MYRIP: variants seen among roughly 807,000 people sequenced by gnomAD.
The protein encoded by MYRIP is myosin VIIA and Rab interacting protein.
A neutral mutation model predicts 98.0 loss-of-function variants in MYRIP; 49 were observed. That is an observed-to-expected ratio of 0.50 (90% CI 0.40 to 0.63). The LOEUF (loss-of-function observed/expected upper bound fraction) is 0.63. Ranked by LOEUF, MYRIP falls within the 30% of genes least tolerant of loss-of-function variation. MYRIP has a pLI of 0.00. For synonymous variants in MYRIP, 404 were observed against 409.5 expected (o/e 0.99, Z 0.16); for missense variants, 1,004 against 1,058.2 (o/e 0.95, Z 0.71).
intron 3 of MYRIP, among the ~76,000 whole-genome samples, chr3:40,135,961 A>C (rs1215518171): frequency 1.3e-5 from 2 of 152,268 alleles, no homozygotes; most frequent in Non-Finnish European, 2.9e-5. Context: ...AAGGCTAGGA[A>C]GAAACTGCAT....
intron 2 of MYRIP, among the ~76,000 whole-genome samples, chr3:39,916,157 A>AAGATAAT (rs1286328883): frequency 6.6e-6 from 1 of 152,062 alleles, no homozygotes; most frequent in African/African-American, 2.4e-5. Context: ...GATATGTCTA[A>AAGATAAT]AGATAATATA....
chr3:39,992,740 C>T (rs181642768), intron 2 of MYRIP, among the ~76,000 whole-genome samples: 4 of 152,318 alleles, frequency 2.6e-5, no homozygotes, highest in Non-Finnish European at 5.9e-5. Context: ...CTTTCTGCCT[C>T]CTACAAATCT....
chr3:40,018,335 C>G (rs572380505), intron 2 of MYRIP, among the ~76,000 whole-genome samples: 1 of 152,176 alleles, frequency 6.6e-6, no homozygotes, highest in Non-Finnish European at 1.5e-5. Context: ...TGATATAAAT[C>G]GAGTGCTTGT....
chr3:40,121,449 A>AT (rs553021074), intron 3 of MYRIP, among the ~76,000 whole-genome samples: 28 of 150,054 alleles, frequency 1.9e-4, no homozygotes, highest in East Asian at 1.2e-3. Context: ...GCATCTGTGG[A>AT]TTTTTTTTTT....
chr3:40,221,119 T>G (rs1475177322), intron 11 of MYRIP, among the ~76,000 whole-genome samples: 1 of 151,292 alleles, frequency 6.6e-6, no homozygotes, highest in Non-Finnish European at 1.5e-5. Flanking sequence ...ACTTTAATTG[T>G]ATTACAATTT....
intron 2 of MYRIP, among the ~76,000 whole-genome samples, chr3:39,948,415 C>A (rs1228805336): frequency 2.0e-5 from 3 of 151,996 alleles, no homozygotes; most frequent in Non-Finnish European, 4.4e-5. Context: ...TCAACAGCTA[C>A]AGAGTAATAA....
chr3:40,020,867 T>G (rs1026856248), intron 2 of MYRIP, among the ~76,000 whole-genome samples: 2 of 152,126 alleles, frequency 1.3e-5, no homozygotes, highest in Admixed American at 1.3e-4. Context: ...TGAACAAGCT[T>G]CAGTTCTGGA....
At chr3:39,939,504 G>C (rs1944732522) in intron 2 of MYRIP, among the ~76,000 whole-genome samples, 1 of 152,138 alleles carries the variant, frequency 6.6e-6, no homozygotes, top group Non-Finnish European at 1.5e-5. Context: ...CTGCACGTGT[G>C]TGTAAGTTAG....
At chr3:40,070,264 T>G (rs1559387507) in intron 3 of MYRIP, among the ~76,000 whole-genome samples, 1 of 152,176 alleles carries the variant, frequency 6.6e-6, no homozygotes, top group Non-Finnish European at 1.5e-5. Context: ...CAGGGAAACA[T>G]TAATGTGGGG....
intron 2 of MYRIP, among the ~76,000 whole-genome samples, chr3:40,042,591 AAG>A (rs80256091): frequency 0.29 from 44,273 of 151,900 alleles, 7,515 homozygotes; most frequent in Admixed American, 0.42. Flanking sequence ...AATAGTAGTA[AAG>A]AGTAGTAAAT....
intron 2 of MYRIP, among the ~76,000 whole-genome samples, chr3:39,938,413 C>T (rs1053814375): frequency 6.6e-6 from 1 of 152,068 alleles, no homozygotes; most frequent in African/African-American, 2.4e-5. Flanking sequence ...TAGTTTGGGT[C>T]TCTTATAGAT....
At position 40,049,818 on chromosome 3, in the gene MYRIP, C is replaced by T. The variant is rs1268123952; in HGVS notation, c.332+5547C>T. Among the ~76,000 whole-genome samples the T allele has an allele frequency of 3.3e-5, 5 of 152,214 alleles. No homozygotes were observed. In the South Asian group the frequency reaches 1.0e-3, roughly 32 times the overall value. On this transcript the variant is annotated intron_variant, in intron 3 of 16. Transcript: ENST00000302541. ...GTTAAAAGTGCTACTCCAGTGAACA[C>T]ATGAATGATAAAATGGAATAGCCTT...
At chr3:39,901,049 T>G in intron 2 of MYRIP, 123 bp downstream of exon 2, 4 of 662,212 alleles carry the variant, frequency 6.0e-6, no homozygotes, top group Non-Finnish European at 7.7e-6. Context: ...TTTGTCAGAA[T>G]GTCCTGTCCT....
chr3:40,136,179 C>A lies in MYRIP; in HGVS notation c.333-14869C>A, dbSNP rs541564282. Among the ~76,000 whole-genome samples, 22 of 151,914 alleles carry A rather than the reference C, an allele frequency of 1.4e-4. No homozygotes were observed. The South Asian group carries it at 3.8e-3, about 26-fold the overall frequency. ...ACAAACATAGGCTCAAAATAAAGGG[C>A]TGGAGGAAGATCTACCAAGCAAATG... On this transcript the variant is annotated intron_variant, in intron 3 of 16. Transcript: ENST00000302541.
chr3:39,898,970 T>A (rs1162692189), intron 1 of MYRIP, among the ~76,000 whole-genome samples: 3 of 152,184 alleles, frequency 2.0e-5, no homozygotes, highest in African/African-American at 7.2e-5. Flanking sequence ...GACAATAGTA[T>A]GCATGACTTC....
At chr3:40,173,989 G>A (rs779326042) in intron 8 of MYRIP, 2 of 152,096 alleles carry the variant, frequency 1.3e-5, no homozygotes, top group Non-Finnish European at 2.9e-5. Context: ...GGGCCTAATG[G>A]AAGCCCCTCC....
intron 1 of MYRIP, among the ~76,000 whole-genome samples, chr3:39,875,821 A>T (rs1321274636): frequency 2.0e-5 from 3 of 151,742 alleles, no homozygotes; most frequent in Non-Finnish European, 4.4e-5. Context: ...TATTCTGTTG[A>T]TTTGGGGTGG....
At chr3:40,185,116 T>G (rs963176324) in intron 9 of MYRIP, among the ~76,000 whole-genome samples, 1 of 152,178 alleles carries the variant, frequency 6.6e-6, no homozygotes, top group African/African-American at 2.4e-5. Context: ...GAGGTCATCT[T>G]AGAAAGTGAA....
Position 40,259,960 on chromosome 3 carries a change from G to C in MYRIP, c.*1794G>C, listed in dbSNP as rs1953714177. On this transcript the variant is annotated 3_prime_UTR_variant, in exon 17 of 17. Coordinates refer to ENST00000302541, the MANE Select transcript of MYRIP (RefSeq NM_015460.4). The stretch of plus-strand genomic sequence containing the variant: ...CAAAAATGTGTACTGTGTAAGCCTT[G>C]CAAACAAAAAACAACAAAAAAGAAG... 6.6e-6 allele frequency: 1 copy of C among 150,838 alleles called. No homozygotes were observed. The highest frequency in any genetic ancestry group is 2.1e-4 in the South Asian group (1 of 4,802). The allele number at this position is 150,838 out of a possible 1,614,324, so 9.3% of individuals were successfully genotyped here.
Sources: allele counts gnomAD v4.1 joint callset (sites outside exome capture counted in the v4.1 genomes callset), GRCh38; gene constraint gnomAD v4.1.1; transcripts MANE v1.5; gene names NCBI Gene and HGNC (gene_info 2026-07-23, HGNC 2026-07-21).